The following LUZP2 variants were observed in gnomAD, a reference collection of about 807,000 sequenced individuals.
The protein encoded by LUZP2 is leucine zipper protein 2.
Under a neutral mutation model 51.6 loss-of-function variants are expected in LUZP2, and 52 were observed. The ratio of observed to expected loss-of-function variants is 1.01; its 90% CI spans 0.81 to 1.27. LUZP2 has a LOEUF of 1.27. Among genes scored for constraint, LUZP2 ranks in the 50% most tolerant of loss-of-function variants. The pLI, the probability that LUZP2 is intolerant of heterozygous loss-of-function variation, is 0.00. For synonymous variants in LUZP2, 154 were observed against 137.3 expected (o/e 1.12, Z -0.85); for missense variants, 436 against 395.4 (o/e 1.10, Z -0.87).
At chr11:25,026,891 TTTA>T (rs911394009) in intron 9 of LUZP2, among the ~76,000 whole-genome samples, 341 of 119,238 alleles carry the variant, frequency 2.9e-3, no homozygotes, top group Non-Finnish European at 4.6e-3. Flanking sequence ...TCTTTCTTTA[TTTA>T]TTTTTTTATT....
chr11:25,018,910 A>T (rs1415169495), intron 9 of LUZP2, among the ~76,000 whole-genome samples: 1 of 152,104 alleles, frequency 6.6e-6, no homozygotes, highest in African/African-American at 2.4e-5. Flanking sequence ...GTCCAGCCTT[A>T]TCTTCCCTTT....
rs1038286280 is a variant in LUZP2 at position 25,079,942 on chromosome 11, T to A, written c.*1284T>A. 3 of 152,182 alleles carry A rather than the reference T, an allele frequency of 2.0e-5. No individual in the cohort carries two copies. Among genetic ancestry groups the A allele is most frequent in the African/African-American group, 7.2e-5 (3 of 41,450 alleles). 9.4% of individuals were successfully genotyped at this position (152,182 alleles called of 1,614,324 possible). A position where few individuals can be genotyped will look rare whatever the true frequency, so the allele number is the denominator to read the frequency against. On this transcript the variant is annotated 3_prime_UTR_variant, in exon 12 of 12. Transcript: ENST00000336930. ...TTAAAGGAAATCTTTAATCAATAAATGAACTTAGATTCTGAGATTTAATGG... is the reference window on the plus strand; with the variant it reads ...TTAAAGGAAATCTTTAATCAATAAAAGAACTTAGATTCTGAGATTTAATGG...
rs74614698 is a variant in LUZP2 at position 25,043,573 on chromosome 11, C to T, written c.766-6465C>T. Among the ~76,000 whole-genome samples, 1,191 of 151,826 alleles carry T rather than the reference C, an allele frequency of 7.8e-3. 32 individuals carry two copies. The East Asian group carries it at 0.098, about 12-fold the overall frequency. ...GAAGCTCTGCAAGGATATATGTATC[C>T]AGGATATATGATATATATATATCCT... On this transcript the variant is annotated intron_variant, in intron 9 of 11. Transcript: ENST00000336930.
intron 1 of LUZP2, among the ~76,000 whole-genome samples, chr11:24,667,258 A>G (rs1294401442): frequency 6.9e-6 from 1 of 144,706 alleles, no homozygotes; most frequent in Non-Finnish European, 1.5e-5. Context: ...ATCTCGGATC[A>G]TTGCAACCTC....
At chr11:24,796,818 G>A (rs760901943) in intron 5 of LUZP2, among the ~76,000 whole-genome samples, 4 of 152,078 alleles carry the variant, frequency 2.6e-5, no homozygotes, top group Non-Finnish European at 4.4e-5. Context: ...GCAAAGCTTA[G>A]CTTAATGGAT....
Position 24,801,611 on chromosome 11 carries a change from T to G in LUZP2, c.396+38303T>G, listed in dbSNP as rs1849699615. 2.0e-5 allele frequency among the ~76,000 whole-genome samples: 3 copies of G among 151,842 alleles called. No homozygotes were observed. In the Admixed American group the frequency reaches 2.0e-4, roughly 10 times the overall value. On this transcript the variant is annotated intron_variant, in intron 5 of 11. Coordinates refer to ENST00000336930, the MANE Select transcript of LUZP2 (RefSeq NM_001009909.4). ...TTATCACAACTCCATATTGCTTCAC[T>G]AAGGAGATTCGGAAAATGCTACGTT...
At chr11:24,937,789 C>G (rs1854630227) in intron 7 of LUZP2, among the ~76,000 whole-genome samples, 1 of 151,428 alleles carries the variant, frequency 6.6e-6, no homozygotes, top group African/African-American at 2.4e-5. Context: ...TAGTTCCAGA[C>G]ACATGGGAGG....
At chr11:24,553,872 A>G (rs907185790) in intron 1 of LUZP2, among the ~76,000 whole-genome samples, 3 of 152,176 alleles carry the variant, frequency 2.0e-5, no homozygotes, top group African/African-American at 7.2e-5. Flanking sequence ...GTGAGAAAAG[A>G]TGGCTAAAAC....
At chr11:24,603,073 A>G (rs1054574509) in intron 1 of LUZP2, among the ~76,000 whole-genome samples, 1 of 151,870 alleles carries the variant, frequency 6.6e-6, no homozygotes, top group Non-Finnish European at 1.5e-5. Flanking sequence ...TATAGCTTCT[A>G]TACGGCTATG....
intron 1 of LUZP2, among the ~76,000 whole-genome samples, chr11:24,602,374 GTATA>G (rs1176071769): frequency 1.5e-5 from 1 of 67,036 alleles, no homozygotes; most frequent in South Asian, 5.3e-4. Context: ...GTGTGTGTGT[GTATA>G]TATATATATA....
At chr11:24,502,227 G>GA (rs1261645254) in intron 1 of LUZP2, among the ~76,000 whole-genome samples, 5 of 139,882 alleles carry the variant, frequency 3.6e-5, no homozygotes, top group Admixed American at 1.4e-4. Flanking sequence ...GCAGAAAAAA[G>GA]AAAAAATATA....
intron 7 of LUZP2, among the ~76,000 whole-genome samples, chr11:24,959,389 A>G (rs1855323138): frequency 6.6e-6 from 1 of 152,196 alleles, no homozygotes; most frequent in African/African-American, 2.4e-5. Context: ...ACCCATGAGC[A>G]TGGAATGTTC....
intron 1 of LUZP2, among the ~76,000 whole-genome samples, chr11:24,523,235 C>T (rs1361760256): frequency 1.3e-5 from 2 of 151,854 alleles, no homozygotes; most frequent in Non-Finnish European, 2.9e-5. Flanking sequence ...ATATACGATG[C>T]TTAATTTTGC....
intron 1 of LUZP2, among the ~76,000 whole-genome samples, chr11:24,565,888 A>T (rs1852197879): frequency 6.6e-6 from 1 of 152,282 alleles, no homozygotes; most frequent in Admixed American, 6.5e-5. Context: ...TATGGTTTTT[A>T]TGGTAAAGAG....
rs141309346 is a variant in LUZP2, at chr11:25,079,323, C to T, written c.*665C>T. 3 of 152,230 alleles carry T rather than the reference C, an allele frequency of 2.0e-5. No homozygotes were observed. The highest frequency in any genetic ancestry group is 7.2e-5 in the African/African-American group (3 of 41,554). 9.4% of individuals were successfully genotyped at this position (152,230 alleles called of 1,614,324 possible). A position where few individuals can be genotyped will look rare whatever the true frequency, so the allele number is the denominator to read the frequency against. ...TTTCTGACACAATTAAATATTTTGG[C>T]ATTCTATAGACACATCTCCTATGTA... On this transcript the variant is annotated 3_prime_UTR_variant, in exon 12 of 12. Transcript: ENST00000336930.
chr11:24,515,388 T>C (rs1850433003), intron 1 of LUZP2, among the ~76,000 whole-genome samples: 1 of 152,092 alleles, frequency 6.6e-6, no homozygotes, highest in South Asian at 2.1e-4. Flanking sequence ...TGGCAATTGG[T>C]TGGTTTATAG....
At chr11:24,985,907 C>G (rs1302027195) in intron 9 of LUZP2, among the ~76,000 whole-genome samples, 4 of 151,508 alleles carry the variant, frequency 2.6e-5, no homozygotes, top group African/African-American at 9.7e-5. Context: ...CCTGAAGAGA[C>G]AGTATGGAGT....
intron 1 of LUZP2, among the ~76,000 whole-genome samples, chr11:24,576,588 T>TA (rs200655535): frequency 2.6e-5 from 4 of 151,806 alleles, no homozygotes; most frequent in East Asian, 1.9e-4. Context: ...AAAGATTTGT[T>TA]AAAGAAAAAA....
At chr11:24,711,282 C>A (rs2631443) in intron 1 of LUZP2, among the ~76,000 whole-genome samples, 3 of 151,628 alleles carry the variant, frequency 2.0e-5, no homozygotes, top group Admixed American at 1.3e-4. Flanking sequence ...ACCCCCGTCT[C>A]TACTAAAAAT....
Sources: gnomAD v4.1 joint callset for allele counts (sites outside exome capture counted in the v4.1 genomes callset) on GRCh38, gnomAD v4.1.1 for gene constraint, MANE v1.5 for transcripts, NCBI Gene and HGNC (gene_info 2026-07-23, HGNC 2026-07-21) for gene names.